The following IL19 variants were observed in gnomAD, a reference collection of about 807,000 sequenced individuals.
The protein encoded by IL19 is interleukin-19.
In IL19, 15 loss-of-function variants were observed where a neutral mutation model predicts 19.5. That is an observed-to-expected ratio of 0.77 (90% CI 0.52 to 1.19). The LOEUF (loss-of-function observed/expected upper bound fraction) is 1.19. IL19 is among the 50% of genes most tolerant of loss of function. The pLI, the probability that IL19 is intolerant of heterozygous loss-of-function variation, is 0.00. For synonymous variants in IL19, 78 were observed against 78.3 expected, an observed-to-expected ratio of 1.00 and a Z score of 0.02; for missense variants, 199 against 213.1, an observed-to-expected ratio of 0.93 and a Z score of 0.41.
chr1:206,813,235 T>C (rs1676063784), intron 2 of IL19, among the ~76,000 whole-genome samples: 1 of 152,230 alleles, frequency 6.6e-6, no homozygotes, highest in African/African-American at 2.4e-5. Context: ...GCTCTGCCAA[T>C]AGGGGCACTA....
intron 2 of IL19, among the ~76,000 whole-genome samples, chr1:206,809,891 C>T (rs1675955383): frequency 6.6e-6 from 1 of 152,224 alleles, no homozygotes; most frequent in Admixed American, 6.5e-5. Context: ...GCAATCACCA[C>T]CAGGTGTGGA....
chr1:206,778,254 G>A (rs1382759002), intron 1 of IL19, among the ~76,000 whole-genome samples: 1 of 152,190 alleles, frequency 6.6e-6, no homozygotes, highest in Non-Finnish European at 1.5e-5. Context: ...ACCAAATCAG[G>A]CAATTTGGAT....
intron 2 of IL19, among the ~76,000 whole-genome samples, chr1:206,818,874 A>C (rs1340915071): frequency 1.4e-5 from 2 of 145,112 alleles, no homozygotes; most frequent in Non-Finnish European, 3.0e-5. Flanking sequence ...GTGCAGTGGC[A>C]TGATCTTGGC....
At chr1:206,814,029 A>T (rs184549448) in intron 2 of IL19, among the ~76,000 whole-genome samples, 113 of 152,304 alleles carry the variant, frequency 7.4e-4, no homozygotes, top group Non-Finnish European at 1.1e-3. Flanking sequence ...TCTTGAAATA[A>T]ATCTTTTTAT....
chr1:206,782,784 G>A (rs768472974), intron 1 of IL19, among the ~76,000 whole-genome samples: 2 of 152,092 alleles, frequency 1.3e-5, no homozygotes, highest in Admixed American at 6.5e-5. Flanking sequence ...GTGGTCAAGG[G>A]GCACAGAGCT....
intron 1 of IL19, among the ~76,000 whole-genome samples, chr1:206,775,543 C>T (rs375232513): frequency 9.8e-5 from 15 of 152,318 alleles, no homozygotes; most frequent in Middle Eastern, 6.8e-3. Flanking sequence ...ATGGAGATAA[C>T]GGCTTCTCCA....
At position 206,772,573 on chromosome 1, in the gene IL19, G is replaced by T. The variant is rs986997410; in HGVS notation, c.-149+1495G>T. The stretch of plus-strand genomic sequence containing the variant: ...CATTCATTAAAAAGCCACAATCAAG[G>T]TTTCCCGGCACAGGATTTTTTCTGC... On this transcript the variant is annotated intron_variant, in intron 1 of 6. Transcript: ENST00000659997. 19 of 783,570 alleles carry T rather than the reference G, an allele frequency of 2.4e-5. No individual in the cohort carries two copies. In the Admixed American group the frequency reaches 2.4e-4, roughly 10 times the overall value. 48.5% of individuals were successfully genotyped at this position (783,570 alleles called of 1,614,324 possible). A position where few individuals can be genotyped will look rare whatever the true frequency, so the allele number is the denominator to read the frequency against.
At chr1:206,833,677 C>T (rs1214878469) in intron 2 of IL19, 1 of 985,434 alleles carries the variant, frequency 1.0e-6, no homozygotes, top group Non-Finnish European at 1.2e-6. Context: ...GGTCCTGGCT[C>T]TGCCACTGGC....
intron 1 of IL19, among the ~76,000 whole-genome samples, chr1:206,791,351 G>A (rs1320754828): frequency 6.6e-6 from 1 of 151,166 alleles, no homozygotes; most frequent in Non-Finnish European, 1.5e-5. Flanking sequence ...TGACCAGGCT[G>A]GAGTACAATG....
intron 1 of IL19, among the ~76,000 whole-genome samples, chr1:206,779,316 C>T (rs1435942950): frequency 2.0e-5 from 3 of 152,220 alleles, no homozygotes; most frequent in African/African-American, 7.2e-5. Context: ...TTTACCCCCA[C>T]GTCCTCACCA....
chr1:206,842,612 T>C lies in IL19; in HGVS notation c.524T>C (p.Phe175Ser), dbSNP rs2243191. Residue 175 changes from phenylalanine to serine, a missense_variant, in exon 7 of 7, where the codon TTC (phenylalanine) becomes TCC (serine). Phe to Ser is a radical substitution (Grantham distance 155, BLOSUM62 -2). Coordinates refer to ENST00000659997, the MANE Select transcript of IL19 (RefSeq NM_153758.5). ...ATTAATAAGAATCATGAAGTAATGT[T>C]CTCAGCTTGATGACAAGGAACCTGT... is the stretch of plus-strand genomic sequence containing the variant. ...AWINKNHEVM[F>S]SA 0.76 allele frequency: 1,174,023 copies of C among 1,552,448 alleles called. 450,468 individuals are homozygous for C. Among genetic ancestry groups the C allele is most frequent in the African/African-American group, 0.82 (60,719 of 73,710 alleles).
chr1:206,828,982 T>C (rs1676512580), intron 2 of IL19: 1 of 149,512 alleles, frequency 6.7e-6, no homozygotes, highest in South Asian at 2.1e-4. Flanking sequence ...GCATGAGGAC[T>C]ACAGGCAGGC....
At chr1:206,813,460 G>A (rs1676069527) in intron 2 of IL19, among the ~76,000 whole-genome samples, 1 of 152,106 alleles carries the variant, frequency 6.6e-6, no homozygotes, top group African/African-American at 2.4e-5. Flanking sequence ...GGGGACACCA[G>A]CAATAGCCAG....
intron 1 of IL19, among the ~76,000 whole-genome samples, chr1:206,790,949 G>A (rs1675387577): frequency 6.6e-6 from 1 of 152,172 alleles, no homozygotes; most frequent in Non-Finnish European, 1.5e-5. Flanking sequence ...GATGACCTTT[G>A]ATATCTTTCT....
At chr1:206,816,784 A>G (rs536619111) in intron 2 of IL19, among the ~76,000 whole-genome samples, 12 of 152,356 alleles carry the variant, frequency 7.9e-5, no homozygotes, top group African/African-American at 2.4e-4. Flanking sequence ...AACAAACTAT[A>G]TGAGAGACAT....
At chr1:206,830,578 T>C (rs1464361224) in intron 2 of IL19, among the ~76,000 whole-genome samples, 1 of 114,952 alleles carries the variant, frequency 8.7e-6, no homozygotes, top group African/African-American at 2.8e-5. Flanking sequence ...TTATCAGTTT[T>C]ATATATATAT....
intron 1 of IL19, among the ~76,000 whole-genome samples, chr1:206,777,063 C>G (rs1202876269): frequency 3.3e-5 from 5 of 151,752 alleles, no homozygotes; most frequent in Admixed American, 3.3e-4. Flanking sequence ...AACCCTGTCT[C>G]TACTAAAAAT....
At chr1:206,822,880 G>A (rs1204439240) in intron 2 of IL19, among the ~76,000 whole-genome samples, 1 of 152,064 alleles carries the variant, frequency 6.6e-6, no homozygotes, top group Non-Finnish European at 1.5e-5. Flanking sequence ...GCAGCCTTGT[G>A]GGGGTTAGGG....
intron 2 of IL19, among the ~76,000 whole-genome samples, chr1:206,813,533 C>T (rs7536410): frequency 0.3 from 45,160 of 151,968 alleles, 6,919 homozygotes; most frequent in East Asian, 0.41. Context: ...TGAACTAAGA[C>T]AACAAGCACT....
Sources: allele counts gnomAD v4.1 joint callset (sites outside exome capture counted in the v4.1 genomes callset), GRCh38; gene constraint gnomAD v4.1.1; transcripts MANE v1.5; gene names NCBI Gene and HGNC (gene_info 2026-07-23, HGNC 2026-07-21).